The following ARCN1 variants were observed in gnomAD, a reference collection of about 807,000 sequenced individuals.
ARCN1 encodes coatomer subunit delta.
A neutral mutation model predicts 60.4 loss-of-function variants in ARCN1; 5 were observed. The observed-to-expected ratio is 0.08, with a 90% CI of 0.04 to 0.17. The LOEUF is 0.17. Among genes scored for constraint, ARCN1 ranks in the 10% least tolerant of loss-of-function variants. The pLI is 1.00. For synonymous variants in ARCN1, 224 were observed against 220.0 expected (o/e 1.02, Z -0.16); for missense variants, 464 against 626.5 (o/e 0.74, Z 2.77).
intron 4 of ARCN1, 83 bp downstream of exon 4, chr11:118,584,097 G>C: frequency 2.9e-6 from 4 of 1,361,588 alleles, no homozygotes; most frequent in Non-Finnish European, 4.0e-6. Flanking sequence ...TTCTTGGAAA[G>C]CTGTAAATAA....
intron 2 of ARCN1, among the ~76,000 whole-genome samples, chr11:118,582,862 G>A (rs1555074867): frequency 6.6e-6 from 1 of 151,754 alleles, no homozygotes; most frequent in Non-Finnish European, 1.5e-5. Flanking sequence ...CCAACATGGT[G>A]AAACCCCGTC....
rs888879043 is a variant in ARCN1 at position 118,600,795 on chromosome 11, A to T, written c.*81A>T. 1 of 1,044,084 alleles carries T rather than the reference A, an allele frequency of 9.6e-7. No individual in the cohort carries two copies. Among genetic ancestry groups the T allele is most frequent in the Non-Finnish European group, 1.4e-6 (1 of 703,506 alleles). The allele number at this position is 1,044,084 out of a possible 1,614,324, so 64.7% of individuals were successfully genotyped here. ...ATGATGGCTGAAGAGTTTTTCCCAG[A>T]TTTACAAGCCACTGGAGACCCCTTT... is the stretch of plus-strand genomic sequence containing the variant. On this transcript the variant is annotated 3_prime_UTR_variant, in exon 10 of 10. Coordinates refer to ENST00000264028, the MANE Select transcript of ARCN1 (RefSeq NM_001655.5).
intron 8 of ARCN1, among the ~76,000 whole-genome samples, chr11:118,595,280 T>C (rs562901330): frequency 6.6e-6 from 1 of 152,354 alleles, no homozygotes; most frequent in South Asian, 2.1e-4. Context: ...TCGGGCTGAA[T>C]GTTTCATTTT....
chr11:118,585,024 C>T (rs1397660563), intron 5 of ARCN1, among the ~76,000 whole-genome samples: 6 of 151,888 alleles, frequency 4.0e-5, no homozygotes, highest in Admixed American at 3.3e-4. Context: ...GATGGGGTTT[C>T]GCCGTGTTAG....
intron 1 of ARCN1, among the ~76,000 whole-genome samples, chr11:118,580,575 G>C (rs1408134833): frequency 6.6e-6 from 1 of 152,124 alleles, no homozygotes; most frequent in Non-Finnish European, 1.5e-5. Context: ...TACCATGATA[G>C]CATATTTTCA....
At chr11:118,582,079 A>G (rs1183405741) in intron 2 of ARCN1, among the ~76,000 whole-genome samples, 1 of 152,108 alleles carries the variant, frequency 6.6e-6, no homozygotes, top group African/African-American at 2.4e-5. Context: ...GGATTGCTTG[A>G]GGCCAGGAGT....
Position 118,590,484 on chromosome 11 carries a change from A to T in ARCN1, c.962A>T (p.Asp321Val), listed in dbSNP as rs1255784979. The T allele has an allele frequency of 1.9e-6, 3 of 1,614,100 alleles. No individual in the cohort carries two copies. Among genetic ancestry groups the T allele is most frequent in the Middle Eastern group, 1.6e-4 (1 of 6,084 alleles). ...ATTCGTCTTCATGTGGAAAATGAAG[A>T]TAAGAAAGGGGTGCAGCTACAGGTG... The part of the protein sequence containing the change: ...GRIRLHVENE[D>V]KKGVQLQTHP... The change falls in exon 6 of 10, where the codon GAT (aspartate) becomes GTT (valine). Residue 321 changes from aspartate (D) to valine (V), a missense_variant. Around this residue, in one of 2 missense-constraint regions of ARCN1, gnomAD observed 359 missense variants for 440.2 expected, o/e 0.82. Transcript: ENST00000264028.
In ARCN1 at chr11:118,578,870, CTCTCTTTT is replaced by C. The variant is rs1319155647; in HGVS notation, c.4-2374_4-2367del. Among the ~76,000 whole-genome samples, 12 of 86,982 alleles carry C rather than the reference CTCTCTTTT, an allele frequency of 1.4e-4. 1 individual carries two copies. The highest frequency in any genetic ancestry group is 2.3e-4 in the Non-Finnish European group (11 of 47,412). 57.1% of individuals were successfully genotyped at this position (86,982 alleles called of 152,430 possible). A position where few individuals can be genotyped will look rare whatever the true frequency, so the allele number is the denominator to read the frequency against. On this transcript the variant is annotated intron_variant, in intron 1 of 9. Coordinates refer to ENST00000264028, the MANE Select transcript of ARCN1 (RefSeq NM_001655.5). Reference sequence around the variant, plus strand: ...CCTGGGCAACATGGCAAAACCCCGTCTCTCTTTTTTTTTTTTTTTTTTTTTTTTTTTTT... The same window carrying C: ...CCTGGGCAACATGGCAAAACCCCGTCTTTTTTTTTTTTTTTTTTTTTTTTT...
rs1939141317 is a variant in ARCN1, at chr11:118,601,266, T to C, written c.*552T>C. The C allele has an allele frequency of 2.9e-6, 1 of 347,694 alleles. No homozygotes were observed. The highest frequency in any genetic ancestry group is 2.2e-5 in the South Asian group (1 of 44,926). The allele number at this position is 347,694 out of a possible 1,614,324, so 21.5% of individuals were successfully genotyped here. ...TAGTAGAGACGGGGTTTCACCGTGT[T>C]GCCCAGGCTGGTCGCGAACTCCTGA... On this transcript the variant is annotated 3_prime_UTR_variant, in exon 10 of 10. Coordinates refer to ENST00000264028, the MANE Select transcript of ARCN1 (RefSeq NM_001655.5).
At chr11:118,573,453 C>T (rs1938405103) in intron 1 of ARCN1, among the ~76,000 whole-genome samples, 2 of 152,186 alleles carry the variant, frequency 1.3e-5, no homozygotes, top group African/African-American at 4.8e-5. Flanking sequence ...ATCAGAACTG[C>T]TGACATCACT....
intron 6 of ARCN1, among the ~76,000 whole-genome samples, chr11:118,591,738 G>GC (rs1938915044): frequency 2.9e-5 from 4 of 140,122 alleles, no homozygotes. Flanking sequence ...TCTTTTTTTT[G>GC]TTTTTTTTTT....
intron 5 of ARCN1, among the ~76,000 whole-genome samples, chr11:118,588,957 G>T (rs1241306368): frequency 1.3e-5 from 2 of 151,076 alleles, no homozygotes; most frequent in African/African-American, 4.9e-5. Context: ...GGCAGAGGTT[G>T]CAGTGAGCCG....
chr11:118,583,730 G>C (rs1938711462), intron 3 of ARCN1, 79 bp from the exon 4 acceptor site: 1 of 1,469,508 alleles, frequency 6.8e-7, no homozygotes, highest in Non-Finnish European at 9.3e-7. Flanking sequence ...TTGCACTCCA[G>C]CCTGGGTCAC....
rs1565361651 is a variant in ARCN1, at chr11:118,584,658, T to TA, written c.818+14_818+15insA. On this transcript the variant is annotated intron_variant, in intron 5 of 9. Coordinates refer to ENST00000264028, the MANE Select transcript of ARCN1 (RefSeq NM_001655.5). ...TAATATGGAAAGGTAAGTAGGAACTTTGAGTAAGAATTCAAGCTTTGAATA... is the reference window on the plus strand; with the variant it reads ...TAATATGGAAAGGTAAGTAGGAACTTATGAGTAAGAATTCAAGCTTTGAATA... The TA allele has an allele frequency of 1.3e-6, 2 of 1,578,652 alleles. No homozygotes were observed. Among genetic ancestry groups the TA allele is most frequent in the Admixed American group, 2.0e-5 (1 of 50,876 alleles).
At chr11:118,583,032 C>T (rs1280391355) in intron 2 of ARCN1, 147 bp from the exon 3 acceptor site, 6 of 928,846 alleles carry the variant, frequency 6.5e-6, no homozygotes, top group East Asian at 2.7e-5. Flanking sequence ...CAGAGCGAGA[C>T]TCTGTCCCAA....
chr11:118,576,761 G>T (rs1221526629), intron 1 of ARCN1, among the ~76,000 whole-genome samples: 1 of 152,128 alleles, frequency 6.6e-6, no homozygotes, highest in African/African-American at 2.4e-5. Context: ...GGAGATTTAT[G>T]CTATACTTAG....
At chr11:118,597,588 C>T in intron 8 of ARCN1, 119 bp from the exon 9 acceptor site, 3 of 1,011,378 alleles carry the variant, frequency 3.0e-6, no homozygotes, top group Admixed American at 2.7e-5. Context: ...TTTTTTTCCC[C>T]TGAAATTGTA....
At chr11:118,580,489 G>A (rs568626522) in intron 1 of ARCN1, among the ~76,000 whole-genome samples, 7 of 152,140 alleles carry the variant, frequency 4.6e-5, no homozygotes, top group Non-Finnish European at 8.8e-5. Context: ...CCTTTAATAT[G>A]AGAGACTATG....
chr11:118,583,756 C>T, intron 3 of ARCN1, 53 bp from the exon 4 acceptor site: 2 of 1,582,902 alleles, frequency 1.3e-6, no homozygotes, highest in Non-Finnish European at 1.7e-6. Context: ...GAGACCCTGT[C>T]TCAACAAAAA....
Sources: allele counts gnomAD v4.1 joint callset (sites outside exome capture counted in the v4.1 genomes callset), GRCh38; gene constraint gnomAD v4.1.1; regional missense constraint gnomAD v4.1.1; transcripts MANE v1.5; gene names NCBI Gene and HGNC (gene_info 2026-07-23, HGNC 2026-07-21).